GALNT17: variants seen among roughly 807,000 people sequenced by gnomAD.
The protein encoded by GALNT17 is UDP-GalNAc:polypeptide N-acetylgalactosaminyltransferase-like 3.
Under a neutral mutation model 63.7 loss-of-function variants are expected in GALNT17, and 29 were observed. That is an observed-to-expected ratio of 0.46 (90% CI 0.34 to 0.62). GALNT17 has a LOEUF of 0.62. Among genes scored for constraint, GALNT17 ranks in the 20% least tolerant of loss-of-function variants. The pLI is 0.01. For synonymous variants in GALNT17, 305 were observed against 318.3 expected, an observed-to-expected ratio of 0.96 and a Z score of 0.45; for missense variants, 603 against 799.6, an observed-to-expected ratio of 0.75 and a Z score of 2.97.
chr7:71,691,222 T>A (rs1361189295), intron 9 of GALNT17, among the ~76,000 whole-genome samples: 1 of 152,150 alleles, frequency 6.6e-6, no homozygotes, highest in African/African-American at 2.4e-5. Flanking sequence ...AGCCATAACA[T>A]CAAGCCGTGA....
chr7:71,465,083 T>C (rs1402004818), intron 5 of GALNT17, among the ~76,000 whole-genome samples: 1 of 151,936 alleles, frequency 6.6e-6, no homozygotes, highest in African/African-American at 2.4e-5. Context: ...AGAAAAGGGG[T>C]TGAGATCAAG....
intron 6 of GALNT17, among the ~76,000 whole-genome samples, chr7:71,629,141 G>A (rs975339097): frequency 6.6e-6 from 1 of 152,006 alleles, no homozygotes; most frequent in Non-Finnish European, 1.5e-5. Flanking sequence ...GAGGACCCTA[G>A]CAGAGGCACC....
intron 6 of GALNT17, among the ~76,000 whole-genome samples, chr7:71,625,435 C>G (rs1043463301): frequency 1.3e-5 from 2 of 152,060 alleles, no homozygotes; most frequent in South Asian, 4.1e-4. Flanking sequence ...CGTGAGCCAC[C>G]GAGCCCAGCT....
chr7:71,154,861 C>G (rs10950247), intron 1 of GALNT17, among the ~76,000 whole-genome samples: 50,801 of 151,606 alleles, frequency 0.34, 9,153 homozygotes, highest in Middle Eastern at 0.38. Flanking sequence ...CAGGCGTGAG[C>G]CACCGCGCCC....
At chr7:71,589,645 G>A (rs530687214) in intron 6 of GALNT17, among the ~76,000 whole-genome samples, 2 of 151,718 alleles carry the variant, frequency 1.3e-5, no homozygotes, top group African/African-American at 2.4e-5. Context: ...TGTAGTAAAC[G>A]CTTTATAAAC....
intron 1 of GALNT17, among the ~76,000 whole-genome samples, chr7:71,154,313 G>A (rs927270246): frequency 1.1e-4 from 17 of 152,316 alleles, no homozygotes; most frequent in African/African-American, 2.9e-4. Context: ...ACATGAGTGA[G>A]CAAGCCTCAC....
intron 5 of GALNT17, among the ~76,000 whole-genome samples, chr7:71,459,376 A>T (rs1481968378): frequency 6.6e-6 from 1 of 152,224 alleles, no homozygotes; most frequent in African/African-American, 2.4e-5. Flanking sequence ...AGACTCAGTT[A>T]TTTGTTACAA....
At chr7:71,664,718 C>T (rs1790958293) in intron 6 of GALNT17, among the ~76,000 whole-genome samples, 1 of 152,160 alleles carries the variant, frequency 6.6e-6, no homozygotes, top group Non-Finnish European at 1.5e-5. Context: ...TCTACATTGG[C>T]AGGGCGCAGC....
chr7:71,158,443 G>A (rs1788277431), intron 1 of GALNT17, among the ~76,000 whole-genome samples: 1 of 151,458 alleles, frequency 6.6e-6, no homozygotes, highest in Non-Finnish European at 1.5e-5. Context: ...TGCCCAGGCT[G>A]GAGTGCAGTG....
chr7:71,295,024 G>A (rs1026505218), intron 1 of GALNT17, among the ~76,000 whole-genome samples: 35 of 152,086 alleles, frequency 2.3e-4, no homozygotes, highest in African/African-American at 8.5e-4. Context: ...GATGCTTTGA[G>A]TCAAATGAAT....
chr7:71,279,750 G>A (rs905325551), intron 1 of GALNT17, among the ~76,000 whole-genome samples: 2 of 150,796 alleles, frequency 1.3e-5, no homozygotes, highest in African/African-American at 4.9e-5. Context: ...ATAGAGGCAT[G>A]CCCAGGCTGG....
chr7:71,406,570 C>T (rs187110689), intron 3 of GALNT17, among the ~76,000 whole-genome samples: 2 of 152,152 alleles, frequency 1.3e-5, no homozygotes, highest in Admixed American at 6.6e-5. Flanking sequence ...AGTTTCTCCC[C>T]GCGCCACCAT....
intron 4 of GALNT17, among the ~76,000 whole-genome samples, chr7:71,416,593 CAGAG>C (rs1793530255): frequency 6.6e-6 from 1 of 151,296 alleles, no homozygotes; most frequent in Admixed American, 6.6e-5. Context: ...GCCTGGGTGA[CAGAG>C]AGAGACTCCA....
At chr7:71,566,607 C>T (rs546436043) in intron 5 of GALNT17, among the ~76,000 whole-genome samples, 175 of 152,066 alleles carry the variant, frequency 1.2e-3, no homozygotes, top group Non-Finnish European at 2.1e-3. Flanking sequence ...ACTCTGATTC[C>T]GGCTCTTCCA....
intron 1 of GALNT17, among the ~76,000 whole-genome samples, chr7:71,139,746 A>G (rs1033297903): frequency 6.6e-6 from 1 of 152,098 alleles, no homozygotes; most frequent in Non-Finnish European, 1.5e-5. Flanking sequence ...TAATCCCAGC[A>G]CTTTGGGAGG....
At chr7:71,664,593 A>G (rs971892216) in intron 6 of GALNT17, among the ~76,000 whole-genome samples, 2 of 152,200 alleles carry the variant, frequency 1.3e-5, no homozygotes, top group Non-Finnish European at 2.9e-5. Context: ...TCTGGGTGAT[A>G]GAGAGAGACC....
intron 1 of GALNT17, among the ~76,000 whole-genome samples, chr7:71,303,608 T>C (rs1270918617): frequency 6.6e-6 from 1 of 152,168 alleles, no homozygotes; most frequent in Non-Finnish European, 1.5e-5. Context: ...TTCTCTTTTT[T>C]GTTTAATACA....
At chr7:71,569,841 A>AG (rs1789409110) in intron 5 of GALNT17, among the ~76,000 whole-genome samples, 1 of 152,144 alleles carries the variant, frequency 6.6e-6, no homozygotes, top group South Asian at 2.1e-4. Flanking sequence ...CAATGAACGT[A>AG]GGAATACAGG....
At position 71,132,705 on chromosome 7, in the gene GALNT17, C is replaced by T. The variant is rs1585825702; in HGVS notation, c.-98C>T. 2.6e-5 allele frequency: 26 copies of T among 1,016,918 alleles called. No homozygotes were observed. The East Asian group carries it at 6.9e-4, about 27-fold the overall frequency. 63.0% of individuals were successfully genotyped at this position (1,016,918 alleles called of 1,614,324 possible). A position where few individuals can be genotyped will look rare whatever the true frequency, so the allele number is the denominator to read the frequency against. The stretch of plus-strand genomic sequence containing the variant: ...AGCAGGGGCTTGGATCCCTGCCGGC[C>T]GTCTGGTGTGTGAGGCTTGCACGGC... On this transcript the variant is annotated 5_prime_UTR_variant, in exon 1 of 11. Transcript: ENST00000333538.
Sources: allele counts gnomAD v4.1 joint callset (sites outside exome capture counted in the v4.1 genomes callset), GRCh38; gene constraint gnomAD v4.1.1; transcripts MANE v1.5; gene names NCBI Gene and HGNC (gene_info 2026-07-23, HGNC 2026-07-21).